The following SH3PXD2B variants were observed in gnomAD, a reference collection of about 807,000 sequenced individuals.
SH3PXD2B encodes SH3 and PX domain-containing protein 2B.
A neutral mutation model predicts 73.1 loss-of-function variants in SH3PXD2B; 37 were observed. That is an observed-to-expected ratio of 0.51 (90% confidence interval 0.39 to 0.67). The LOEUF is 0.67. Among genes scored for constraint, SH3PXD2B ranks in the 30% least tolerant of loss-of-function variants. SH3PXD2B has a pLI of 0.00. For synonymous variants in SH3PXD2B, 457 were observed against 480.5 expected, an observed-to-expected ratio of 0.95 and a Z score of 0.64; for missense variants, 1,053 against 1,197.8, an observed-to-expected ratio of 0.88 and a Z score of 1.78.
At chr5:172,329,081 A>ATT (rs67185423), downstream of SH3PXD2B, among the ~76,000 whole-genome samples, 111 of 68,208 alleles carry the variant, frequency 1.6e-3, 1 homozygote, top group African/African-American at 2.3e-3. Context: ...ATATATATAT[A>ATT]TATTTTTTTT....
intron 2 of SH3PXD2B, among the ~76,000 whole-genome samples, chr5:172,410,907 C>T (rs1285776184): frequency 6.6e-6 from 1 of 152,186 alleles, no homozygotes. Flanking sequence ...CCTGAAGTCA[C>T]ACAGCTAAGT....
chr5:172,395,337 A>T (rs1045080711), intron 3 of SH3PXD2B, among the ~76,000 whole-genome samples: 1 of 152,242 alleles, frequency 6.6e-6, no homozygotes, highest in Non-Finnish European at 1.5e-5. Flanking sequence ...TTCCACCTGC[A>T]AAGAGGACAG....
chr5:172,403,553 G>A (rs1758483570), intron 3 of SH3PXD2B, among the ~76,000 whole-genome samples: 1 of 152,188 alleles, frequency 6.6e-6, no homozygotes. Context: ...CCAAGTCCCT[G>A]GGAACGGCAT....
chr5:172,414,418 G>A (rs922556991), intron 2 of SH3PXD2B, among the ~76,000 whole-genome samples: 11 of 143,338 alleles, frequency 7.7e-5, no homozygotes, highest in South Asian at 2.2e-4. Context: ...GCCGTGAGCC[G>A]AGATCGCGCC....
intron 4 of SH3PXD2B, among the ~76,000 whole-genome samples, chr5:172,383,410 T>C (rs1350453132): frequency 6.6e-6 from 1 of 152,238 alleles, no homozygotes; most frequent in South Asian, 2.1e-4. Flanking sequence ...AAAATTTTCT[T>C]TGTGCTCAGC....
At chr5:172,441,834 TA>T (rs771900631) in intron 1 of SH3PXD2B, among the ~76,000 whole-genome samples, 12 of 152,168 alleles carry the variant, frequency 7.9e-5, no homozygotes, top group African/African-American at 1.9e-4. Flanking sequence ...AGGGGTGTCA[TA>T]GGGGAGGAGA....
chr5:172,454,014 G>C (rs1200128233), intron 1 of SH3PXD2B, among the ~76,000 whole-genome samples: 6 of 151,756 alleles, frequency 4.0e-5, no homozygotes, highest in Admixed American at 3.9e-4. Context: ...GACAGAAAGG[G>C]GTAGAGGAGC....
chr5:172,404,612 C>T lies in SH3PXD2B; in HGVS notation c.232+1665G>A, dbSNP rs184774054. 7.9e-5 allele frequency among the ~76,000 whole-genome samples: 12 copies of T among 152,250 alleles called. No homozygotes were observed. In the East Asian group the frequency reaches 2.3e-3, roughly 29 times the overall value. On this transcript the variant is annotated intron_variant, in intron 3 of 12. Coordinates refer to ENST00000311601, the MANE Select transcript of SH3PXD2B (RefSeq NM_001017995.3). Reference sequence around the variant, plus strand: ...TGGCCTTGAAAAAGGATCTAAAGGGCCCGTCCAGCTCTAAATATCTGTGAC... The same window carrying T: ...TGGCCTTGAAAAAGGATCTAAAGGGTCCGTCCAGCTCTAAATATCTGTGAC...
At chr5:172,434,787 T>TG (rs60450697) in intron 1 of SH3PXD2B, among the ~76,000 whole-genome samples, 55,324 of 149,358 alleles carry the variant, frequency 0.37, 10,708 homozygotes, top group Non-Finnish European at 0.42. Context: ...CAATGGTTTT[T>TG]TTTTTTTTTT....
In SH3PXD2B at chr5:172,414,184, C is replaced by T. The variant is rs148915317; in HGVS notation, c.157-7832G>A. Among the ~76,000 whole-genome samples the T allele has an allele frequency of 7.3e-3, 1,112 of 152,236 alleles. 10 individuals are homozygous for T. Among genetic ancestry groups the T allele is most frequent in the Middle Eastern group, 0.014 (4 of 294 alleles). ...ACCAGGGTCTTAGAAGGAGACAGGT[C>T]AAGGCCGGGCGCAGTGGCTCACGCC... On this transcript the variant is annotated intron_variant, in intron 2 of 12. Coordinates refer to ENST00000311601, the MANE Select transcript of SH3PXD2B (RefSeq NM_001017995.3).
intron 2 of SH3PXD2B, among the ~76,000 whole-genome samples, chr5:172,408,377 T>C (rs1172745195): frequency 6.6e-6 from 1 of 151,918 alleles, no homozygotes; most frequent in African/African-American, 2.4e-5. Context: ...CAGGTGATCC[T>C]CCCATCTCAG....
chr5:172,332,889 G>T (rs970349027), downstream of SH3PXD2B, among the ~76,000 whole-genome samples: 1 of 151,468 alleles, frequency 6.6e-6, no homozygotes, highest in Non-Finnish European at 1.5e-5. Flanking sequence ...CAGTCTCTGC[G>T]GCCCAAATGT....
intron 2 of SH3PXD2B, among the ~76,000 whole-genome samples, chr5:172,413,486 C>T (rs188853454): frequency 6.6e-6 from 1 of 152,344 alleles, no homozygotes; most frequent in Non-Finnish European, 1.5e-5. Flanking sequence ...TACCTCCTCA[C>T]TGGTACACGG....
At chr5:172,369,256 T>C (rs1757648754) in intron 6 of SH3PXD2B, among the ~76,000 whole-genome samples, 2 of 151,610 alleles carry the variant, frequency 1.3e-5, no homozygotes, top group Admixed American at 1.3e-4. Flanking sequence ...TTTTTTTAAA[T>C]ATTTTTTAAG....
At position 172,377,744 on chromosome 5, in the gene SH3PXD2B, T is replaced by C. The variant is rs116425335; in HGVS notation, c.402-3929A>G. Among the ~76,000 whole-genome samples the C allele has an allele frequency of 8.5e-3, 1,292 of 152,318 alleles. 18 individuals carry two copies. The highest frequency in any genetic ancestry group is 0.03 in the African/African-American group (1,234 of 41,572). On this transcript the variant is annotated intron_variant, in intron 5 of 12. Transcript: ENST00000311601. ...TACATATACTCCAGCATGATGGACG[T>C]ATATAAGATATGAGATAAGCATGCT...
At chr5:172,426,015 C>G (rs1235012193) in intron 1 of SH3PXD2B, among the ~76,000 whole-genome samples, 2 of 151,996 alleles carry the variant, frequency 1.3e-5, no homozygotes, top group Non-Finnish European at 2.9e-5. Context: ...GATTAAAAAA[C>G]AAGGAAAAAT....
intron 3 of SH3PXD2B, among the ~76,000 whole-genome samples, chr5:172,397,856 G>A (rs771657893): frequency 6.6e-6 from 1 of 152,136 alleles, no homozygotes; most frequent in Non-Finnish European, 1.5e-5. Flanking sequence ...GCTCGGTCTC[G>A]GTCCAAAGCA....
At chr5:172,413,536 A>T (rs193278278) in intron 2 of SH3PXD2B, among the ~76,000 whole-genome samples, 5 of 152,218 alleles carry the variant, frequency 3.3e-5, no homozygotes, top group Non-Finnish European at 7.3e-5. Context: ...ACAAATGAGT[A>T]AATGAATGAA....
intron 1 of SH3PXD2B, among the ~76,000 whole-genome samples, chr5:172,439,692 GCACACACACACACACACACACACACA>G (rs367799974): frequency 5.1e-5 from 7 of 138,542 alleles, no homozygotes; most frequent in Admixed American, 2.8e-4. Flanking sequence ...GCACGCGCGC[GCACACACACACACACACACACACACA>G]CACACACACA....
Sources: allele counts gnomAD v4.1 joint callset (sites outside exome capture counted in the v4.1 genomes callset), GRCh38; gene constraint gnomAD v4.1.1; transcripts MANE v1.5; gene names NCBI Gene and HGNC (gene_info 2026-07-23, HGNC 2026-07-21).